Variants in MYO3B observed in about 807,000 individuals in gnomAD.
MYO3B encodes the protein myosin-IIIb.
Under a neutral mutation model 174.6 loss-of-function variants are expected in MYO3B, and 156 were observed. The observed-to-expected ratio is 0.89, with a 90% CI of 0.78 to 1.02. The LOEUF is 1.02. Among genes scored for constraint, MYO3B ranks in the 50% least tolerant of loss-of-function variants. MYO3B has a pLI of 0.00. For missense variants in MYO3B, 1,632 were observed against 1,639.4 expected (o/e 1.00, Z 0.08); for synonymous variants, 563 against 569.1 (o/e 0.99, Z 0.15).
At chr2:170,645,438 C>T (rs1422176956) in intron 32 of MYO3B, among the ~76,000 whole-genome samples, 2 of 139,928 alleles carry the variant, frequency 1.4e-5, no homozygotes, top group African/African-American at 2.7e-5. Flanking sequence ...CACTGCACTC[C>T]AGCCTGGGTG....
chr2:170,325,914 C>T (rs1187482736), intron 7 of MYO3B, among the ~76,000 whole-genome samples: 1 of 152,158 alleles, frequency 6.6e-6, no homozygotes, highest in South Asian at 2.1e-4. Context: ...ACCTTATCTG[C>T]TGACTGTGTT....
At chr2:170,324,070 C>A (rs1201808905) in intron 7 of MYO3B, among the ~76,000 whole-genome samples, 2 of 152,172 alleles carry the variant, frequency 1.3e-5, no homozygotes, top group Non-Finnish European at 2.9e-5. Flanking sequence ...GGTTCCTTTA[C>A]CTTTCTATGT....
chr2:170,328,318 G>A (rs954206702), intron 7 of MYO3B, among the ~76,000 whole-genome samples: 1 of 152,142 alleles, frequency 6.6e-6, no homozygotes, highest in Non-Finnish European at 1.5e-5. Context: ...CAGCAATAAG[G>A]TTCAGTGTTT....
chr2:170,530,671 T>C lies in MYO3B; in HGVS notation c.3575+11131T>C, dbSNP rs143922477. Among the ~76,000 whole-genome samples the C allele has an allele frequency of 3.5e-4, 54 of 152,344 alleles. 1 individual carries two copies. The East Asian group carries it at 0.01, about 28-fold the overall frequency. ...CTTGTTGACTTTTATTTTTAGTTTG[T>C]TCCTCCTGGGAGAGCAAGGATGTTA... On this transcript the variant is annotated intron_variant, in intron 30 of 34. Transcript: ENST00000408978.
chr2:170,579,431 T>C (rs987104214), intron 32 of MYO3B, among the ~76,000 whole-genome samples: 1 of 152,176 alleles, frequency 6.6e-6, no homozygotes. Context: ...TCTTGTTAAA[T>C]TGAAATTCTG....
chr2:170,353,310 A>C (rs762727229), intron 8 of MYO3B, among the ~76,000 whole-genome samples: 3 of 152,122 alleles, frequency 2.0e-5, no homozygotes, highest in Non-Finnish European at 4.4e-5. Flanking sequence ...CAATCTGAAG[A>C]GTCTATATAC....
chr2:170,335,455 G>A lies in MYO3B; in HGVS notation c.815+5G>A, dbSNP rs773432109. ...ATTCAACCACTTTATTTCACAGTGAGTATTTCTTCCACTAAAAATTGCCCA... is the reference window on the plus strand; with the variant it reads ...ATTCAACCACTTTATTTCACAGTGAATATTTCTTCCACTAAAAATTGCCCA... On this transcript the variant is annotated splice_donor_5th_base_variant and intron_variant, in intron 8 of 34. Transcript: ENST00000408978. The A allele has an allele frequency of 1.2e-6, 2 of 1,609,346 alleles. No individual in the cohort carries two copies. Among genetic ancestry groups the A allele is most frequent in the East Asian group, 2.2e-5 (1 of 44,810 alleles).
At chr2:170,593,329 CT>C (rs1353382983) in intron 32 of MYO3B, among the ~76,000 whole-genome samples, 1 of 152,176 alleles carries the variant, frequency 6.6e-6, no homozygotes, top group Non-Finnish European at 1.5e-5. Context: ...TCTTGAACTC[CT>C]GGGCTCACGC....
intron 1 of MYO3B, among the ~76,000 whole-genome samples, chr2:170,189,229 C>A (rs1049203100): frequency 1.3e-5 from 2 of 152,090 alleles, no homozygotes; most frequent in East Asian, 1.9e-4. Flanking sequence ...TTTGTCATTT[C>A]TCCTGCTGCT....
chr2:170,400,045 A>C, intron 16 of MYO3B, 143 bp from the exon 17 acceptor site: 1 of 1,028,386 alleles, frequency 9.7e-7, no homozygotes, highest in Non-Finnish European at 1.4e-6. Context: ...AACTGCAAAG[A>C]AGTTTGGGAA....
chr2:170,303,623 G>A (rs1322006624), intron 7 of MYO3B, among the ~76,000 whole-genome samples: 1 of 151,624 alleles, frequency 6.6e-6, no homozygotes, highest in Non-Finnish European at 1.5e-5. Context: ...TTCTTTGATT[G>A]CTTTCCTATT....
chr2:170,210,168 T>C (rs533989278), intron 3 of MYO3B, among the ~76,000 whole-genome samples: 2 of 152,290 alleles, frequency 1.3e-5, no homozygotes, highest in East Asian at 3.9e-4. Context: ...GCCTTAAGAG[T>C]ACCTTGTTGT....
At chr2:170,256,311 A>C (rs766866152) in intron 7 of MYO3B, among the ~76,000 whole-genome samples, 1 of 152,192 alleles carries the variant, frequency 6.6e-6, no homozygotes, top group Non-Finnish European at 1.5e-5. Context: ...TATATAAGAT[A>C]GCTATCCCTA....
At chr2:170,511,865 A>G (rs1388790224) in intron 28 of MYO3B, among the ~76,000 whole-genome samples, 3 of 152,222 alleles carry the variant, frequency 2.0e-5, no homozygotes, top group Admixed American at 1.3e-4. Context: ...GAAGCAGTCT[A>G]TGAAGCTACC....
At chr2:170,374,957 TG>T (rs2094280133) in intron 9 of MYO3B, among the ~76,000 whole-genome samples, 1 of 152,220 alleles carries the variant, frequency 6.6e-6, no homozygotes, top group Non-Finnish European at 1.5e-5. Flanking sequence ...TGCCAATGCA[TG>T]TATTTGATTC....
At position 170,342,598 on chromosome 2, in the gene MYO3B, C is replaced by A. The variant is rs566683950; in HGVS notation, c.815+7148C>A. 7.2e-5 allele frequency among the ~76,000 whole-genome samples: 11 copies of A among 152,068 alleles called. No homozygotes were observed. In the South Asian group the frequency reaches 2.1e-3, roughly 29 times the overall value. On this transcript the variant is annotated intron_variant, in intron 8 of 34. Coordinates refer to ENST00000408978, the MANE Select transcript of MYO3B (RefSeq NM_138995.5). Reference sequence around the variant, plus strand: ...TGTCAAATTGGGGCTAGAGTAGTATCGCTGTGAGGATTAAATTACATAATG... The same window carrying A: ...TGTCAAATTGGGGCTAGAGTAGTATAGCTGTGAGGATTAAATTACATAATG...
intron 32 of MYO3B, among the ~76,000 whole-genome samples, chr2:170,633,940 C>G (rs1450460061): frequency 6.6e-6 from 1 of 152,136 alleles, no homozygotes; most frequent in Non-Finnish European, 1.5e-5. Flanking sequence ...AGGAGAACTA[C>G]AAACCACTGA....
chr2:170,499,353 C>A (rs941408815), intron 26 of MYO3B, among the ~76,000 whole-genome samples: 1 of 152,074 alleles, frequency 6.6e-6, no homozygotes, highest in African/African-American at 2.4e-5. Context: ...GTAGATAGAG[C>A]TCAAACTGAG....
At chr2:170,439,086 T>G (rs2105901621) in intron 22 of MYO3B, among the ~76,000 whole-genome samples, 1 of 151,270 alleles carries the variant, frequency 6.6e-6, no homozygotes, top group African/African-American at 2.4e-5. Flanking sequence ...TTTTTTTTTT[T>G]TTTGGGCCAG....
Sources: allele counts gnomAD v4.1 joint callset (sites outside exome capture counted in the v4.1 genomes callset), GRCh38; gene constraint gnomAD v4.1.1; transcripts MANE v1.5; gene names NCBI Gene and HGNC (gene_info 2026-07-23, HGNC 2026-07-21).